The following NUMBL variants were observed in gnomAD, a reference collection of about 807,000 sequenced individuals.
The protein encoded by NUMBL is numb-like protein.
Under a neutral mutation model 48.9 loss-of-function variants are expected in NUMBL, and 20 were observed. That is an observed-to-expected ratio of 0.41 (90% CI 0.29 to 0.59). NUMBL has a LOEUF of 0.59. NUMBL is among the 20% of genes least tolerant of loss of function. The probability of loss-of-function intolerance (pLI) is 0.31; values close to 1 mark genes in which losing one functional copy is unlikely to be tolerated. For synonymous variants in NUMBL, 340 were observed against 348.7 expected, an observed-to-expected ratio of 0.98 and a Z score of 0.28; for missense variants, 660 against 846.2, an observed-to-expected ratio of 0.78 and a Z score of 2.73.
At chr19:40,669,859 A>G (rs778850605) in intron 9 of NUMBL, 39 bp downstream of exon 9, 371 of 1,602,882 alleles carry the variant, frequency 2.3e-4, no homozygotes, top group Admixed American at 7.4e-4. Context: ...TACAGGAGGG[A>G]CATGCAGGGT....
At chr19:40,686,469 G>A (rs543614686) in intron 2 of NUMBL, among the ~76,000 whole-genome samples, 7 of 152,330 alleles carry the variant, frequency 4.6e-5, no homozygotes, top group African/African-American at 1.7e-4. Context: ...GGCCAAGAGT[G>A]TGTCTCTTGA....
intron 7 of NUMBL, among the ~76,000 whole-genome samples, chr19:40,676,729 G>A (rs911489225): frequency 8.6e-5 from 13 of 151,304 alleles, no homozygotes; most frequent in Non-Finnish European, 1.8e-4. Context: ...GAAAAGCCTC[G>A]AAAAGCCCCG....
chr19:40,687,002 G>A lies in NUMBL; in HGVS notation c.25-7C>T, dbSNP rs1362301977. 8.1e-6 allele frequency: 12 copies of A among 1,489,156 alleles called. No homozygotes were observed. In the African/African-American group the frequency reaches 8.6e-5, roughly 11 times the overall value. The allele number at this position is 1,489,156 out of a possible 1,614,324, so 92.2% of individuals were successfully genotyped here. A position where few individuals can be genotyped will look rare whatever the true frequency, so the allele number is the denominator to read the frequency against. Reference sequence around the variant, plus strand: ...CAGGCCTCCGGGGTCCGCCCTGCCCGAGTAGGGGAGGAGAAGGTGAGAAGT... The same window carrying A: ...CAGGCCTCCGGGGTCCGCCCTGCCCAAGTAGGGGAGGAGAAGGTGAGAAGT... On this transcript the variant is annotated splice_polypyrimidine_tract_variant and splice_region_variant and intron_variant, in intron 1 of 9. Transcript: ENST00000252891. This position sits in a 1 kb window ranked among gnomAD's most constrained non-coding sequence, Gnocchi z 4.6.
At chr19:40,679,771 C>T (rs1009494425) in intron 6 of NUMBL, among the ~76,000 whole-genome samples, 4 of 152,052 alleles carry the variant, frequency 2.6e-5, no homozygotes, top group African/African-American at 9.7e-5. Flanking sequence ...ATAGGTAAAT[C>T]CACAGAGAGA....
Position 40,667,510 on chromosome 19 carries a change from G to C in NUMBL, c.1788C>G (p.Pro596=). 6.3e-7 allele frequency: 1 copy of C among 1,592,202 alleles called. No homozygotes were observed. Among genetic ancestry groups the C allele is most frequent in the Non-Finnish European group, 8.6e-7 (1 of 1,169,116 alleles). The change falls in exon 10 of 10, where the codon CCC becomes CCG. Residue 596 remains proline, a synonymous_variant. Transcript: ENST00000252891. This position sits in a 1 kb window ranked among gnomAD's most constrained non-coding sequence, Gnocchi z 6.1. ...ATGTCTTTTGCAGGTCGCCAGAAAA[G>C]GGGTTGGAGGGTTTCTCTACAGTGG... The part of the protein sequence containing the change: ...GKATVEKPSN[P]FSGDLQKTFE...
rs1191897888 is a variant in NUMBL, at chr19:40,690,631, T to G, written c.-148A>C. 4 of 388,754 alleles carry G rather than the reference T, an allele frequency of 1.0e-5. No individual in the cohort carries two copies. The highest frequency in any genetic ancestry group is 1.7e-5 in the Non-Finnish European group (4 of 229,762). 24.1% of individuals were successfully genotyped at this position (388,754 alleles called of 1,614,324 possible). On this transcript the variant is annotated 5_prime_UTR_variant, in exon 1 of 10. Transcript: ENST00000252891. ...GGTGCGGGATGCACGCGCGCGAGCC[T>G]CCTCGGCTCCCGGGAGGATTCCGTT...
At chr19:40,689,399 T>C (rs936099150) in intron 1 of NUMBL, among the ~76,000 whole-genome samples, 3 of 151,762 alleles carry the variant, frequency 2.0e-5, no homozygotes, top group Admixed American at 6.6e-5. Context: ...GACACAATCA[T>C]AGACACCACC....
intron 6 of NUMBL, among the ~76,000 whole-genome samples, chr19:40,677,630 G>A (rs1186955443): frequency 6.6e-6 from 1 of 152,168 alleles, no homozygotes; most frequent in Non-Finnish European, 1.5e-5. Flanking sequence ...CTGTTGTGTG[G>A]CTCCACTTAC....
chr19:40,680,844 G>A, intron 6 of NUMBL, 73 bp downstream of exon 6: 3 of 1,541,808 alleles, frequency 1.9e-6, no homozygotes, highest in Non-Finnish European at 2.7e-6. Context: ...CCTGAATGCA[G>A]GAAGCTTGTA....
In NUMBL at chr19:40,673,462, G is replaced by A. The variant is rs756571277; in HGVS notation, c.918C>T (p.Phe306=). The change falls in exon 8 of 10, where the codon TTC becomes TTT. Residue 306 remains phenylalanine (F), a synonymous_variant. Transcript: ENST00000252891. The surrounding 1 kb of genome is among the most constrained non-coding windows in gnomAD (Gnocchi z 5.9). ...PLEQLVRQGS[F]RGFPALSQKN... ...TCTGGCTGAGTGCTGGGAACCCACG[G>A]AAGGAGCCCTGGCGAACCAGCTGCT... 1.0e-5 allele frequency: 16 copies of A among 1,607,658 alleles called. No individual in the cohort carries two copies. The highest frequency in any genetic ancestry group is 1.3e-5 in the Non-Finnish European group (15 of 1,177,208).
intron 6 of NUMBL, among the ~76,000 whole-genome samples, chr19:40,679,022 C>T (rs574274610): frequency 2.0e-5 from 3 of 152,178 alleles, no homozygotes; most frequent in South Asian, 2.1e-4. Context: ...AGGTTGGAGG[C>T]GGAGGTTTCA....
chr19:40,687,059 A>C lies in NUMBL; in HGVS notation c.25-64T>G. 9.6e-7 allele frequency: 1 copy of C among 1,039,648 alleles called. No homozygotes were observed. The highest frequency in any genetic ancestry group is 1.7e-5 in the South Asian group (1 of 58,592). The allele number at this position is 1,039,648 out of a possible 1,614,324, so 64.4% of individuals were successfully genotyped here. ...GGGTTGGGGCTCAGTCTGATACTTCACCCCGACTTTGGACTTCGGCCAGCC... is the reference window on the plus strand; with the variant it reads ...GGGTTGGGGCTCAGTCTGATACTTCCCCCCGACTTTGGACTTCGGCCAGCC... On this transcript the variant is annotated intron_variant, in intron 1 of 9. Transcript: ENST00000252891. This position sits in a 1 kb window ranked among gnomAD's most constrained non-coding sequence, Gnocchi z 4.6.
rs926394235 is a variant in NUMBL at position 40,667,051 on chromosome 19, G to T, written c.*417C>A. ...TGGGGGGAGGAGACGACCAGATTTG[G>T]GGTGGGCACTGGTGTGGGGCCCAGG... On this transcript the variant is annotated 3_prime_UTR_variant, in exon 10 of 10. Transcript: ENST00000252891. The surrounding 1 kb of genome is among the most constrained non-coding windows in gnomAD (Gnocchi z 6.1). 2 of 243,516 alleles carry T rather than the reference G, an allele frequency of 8.2e-6. No individual in the cohort carries two copies. The highest frequency in any genetic ancestry group is 1.6e-5 in the Non-Finnish European group (2 of 123,360). The allele number at this position is 243,516 out of a possible 1,614,324, so 15.1% of individuals were successfully genotyped here. A position where few individuals can be genotyped will look rare whatever the true frequency, so the allele number is the denominator to read the frequency against.
rs559916035 is a variant in NUMBL at position 40,680,138 on chromosome 19, T to TG, written c.540+778_540+779insC. Among the ~76,000 whole-genome samples the TG allele has an allele frequency of 1.8e-3, 266 of 151,594 alleles. 1 individual carries two copies. The highest frequency in any genetic ancestry group is 5.8e-3 in the African/African-American group (239 of 41,158). ...TTCTCATCCCCAAATAGTTTTTTTT[T>TG]TTTGTTTTCTTGAGACAGAGTCTCG... On this transcript the variant is annotated intron_variant, in intron 6 of 9. Transcript: ENST00000252891.
intron 8 of NUMBL, among the ~76,000 whole-genome samples, chr19:40,671,666 C>T (rs2081848724): frequency 6.6e-6 from 1 of 152,176 alleles, no homozygotes; most frequent in Non-Finnish European, 1.5e-5. Flanking sequence ...TGGAGCAGCC[C>T]AGCCTCCTGG....
intron 6 of NUMBL, among the ~76,000 whole-genome samples, chr19:40,678,427 T>C (rs573780047): frequency 6.6e-6 from 1 of 152,166 alleles, no homozygotes; most frequent in Admixed American, 6.5e-5. Flanking sequence ...CCTCCCAAAG[T>C]GTTGGGGTTA....
At position 40,667,969 on chromosome 19, in the gene NUMBL, T is replaced by TTGCTGC. The variant is rs752962959; in HGVS notation, c.1323_1328dup (p.Gln445_Gln446dup). The TTGCTGC allele has an allele frequency of 5.4e-6, 8 of 1,471,352 alleles. No homozygotes were observed. In the Admixed American group the frequency reaches 8.8e-5, roughly 16 times the overall value. 91.1% of individuals were successfully genotyped at this position (1,471,352 alleles called of 1,614,324 possible). ...GGGCCACTGAGGCTGCTTGCTGCTG[T>TTGCTGC]TGCTGCTGCTGCTGCTGCTGCTGTT... is the stretch of plus-strand genomic sequence containing the variant. On this transcript the variant is annotated inframe_insertion, in exon 10 of 10. Transcript: ENST00000252891. The surrounding 1 kb of genome is among the most constrained non-coding windows in gnomAD (Gnocchi z 6.1).
chr19:40,668,113 G>A lies in NUMBL; in HGVS notation c.1185C>T (p.Ser395=), dbSNP rs1329227652. ...GCTGGAAGGCAGCTGCAGGGGGCAC[G>A]GAGGGCTCACCCCAGGCAGAAGTCC... ...TTGTSAWGEP[S]VPPAAAFQPG... The change falls in exon 10 of 10, where the codon TCC becomes TCT. Residue 395 remains serine (S), a synonymous_variant. Coordinates refer to ENST00000252891, the MANE Select transcript of NUMBL (RefSeq NM_004756.5). 3.7e-6 allele frequency: 6 copies of A among 1,602,706 alleles called. No individual in the cohort carries two copies. The highest frequency in any genetic ancestry group is 2.7e-5 in the African/African-American group (2 of 74,744).
rs1568434051 is a variant in NUMBL, at chr19:40,690,624, G to A, written c.-141C>T. 2.4e-6 allele frequency: 1 copy of A among 411,308 alleles called. No homozygotes were observed. Among genetic ancestry groups the A allele is most frequent in the Non-Finnish European group, 4.0e-6 (1 of 249,320 alleles). 25.5% of individuals were successfully genotyped at this position (411,308 alleles called of 1,614,324 possible). ...GGGGGATGGTGCGGGATGCACGCGCGCGAGCCTCCTCGGCTCCCGGGAGGA... is the reference window on the plus strand; with the variant it reads ...GGGGGATGGTGCGGGATGCACGCGCACGAGCCTCCTCGGCTCCCGGGAGGA... On this transcript the variant is annotated 5_prime_UTR_variant, in exon 1 of 10. Transcript: ENST00000252891.
Sources: allele counts gnomAD v4.1 joint callset (sites outside exome capture counted in the v4.1 genomes callset), GRCh38; gene constraint gnomAD v4.1.1; non-coding constraint Gnocchi (gnomAD v3.1); transcripts MANE v1.5; gene names NCBI Gene and HGNC (gene_info 2026-07-23, HGNC 2026-07-21).